Variants in IPO8 observed in about 807,000 individuals in gnomAD.
IPO8 encodes importin-8.
In IPO8, 65 loss-of-function variants were observed where a neutral mutation model predicts 141.2. The observed-to-expected ratio is 0.46, with a 90% CI of 0.38 to 0.57. The LOEUF (loss-of-function observed/expected upper bound fraction) is 0.57, where lower values mean the gene tolerates loss of function less well. IPO8 is among the 20% of genes least tolerant of loss of function. The pLI, the probability that IPO8 is intolerant of heterozygous loss-of-function variation, is 0.00. For synonymous variants in IPO8, 411 were observed against 420.3 expected (o/e 0.98, Z 0.27); for missense variants, 980 against 1,246.8 (o/e 0.79, Z 3.22).
intron 20 of IPO8, among the ~76,000 whole-genome samples, chr12:30,648,370 G>A (rs1047755271): frequency 2.0e-5 from 3 of 152,176 alleles, no homozygotes; most frequent in East Asian, 1.9e-4. Context: ...CCCAGAATAC[G>A]CAAATCTATA....
At chr12:30,639,886 T>TAAA in intron 20 of IPO8, 151 bp from the exon 21 acceptor site, 1 of 622,214 alleles carries the variant, frequency 1.6e-6, no homozygotes, top group Non-Finnish European at 2.8e-6. Context: ...TTAAAAGATT[T>TAAA]ATATTATTAT....
chr12:30,690,928 T>C (rs2053285750), intron 1 of IPO8, among the ~76,000 whole-genome samples: 1 of 152,218 alleles, frequency 6.6e-6, no homozygotes, highest in Non-Finnish European at 1.5e-5. Flanking sequence ...ATTTTATTAA[T>C]GTTTTAAATT....
At chr12:30,670,753 C>T (rs1009730134) in intron 9 of IPO8, among the ~76,000 whole-genome samples, 2 of 152,040 alleles carry the variant, frequency 1.3e-5, no homozygotes, top group South Asian at 2.1e-4. Context: ...CCAGGTCTCC[C>T]GACTCATAAA....
intron 22 of IPO8, among the ~76,000 whole-genome samples, chr12:30,636,264 G>A (rs925041820): frequency 6.6e-6 from 1 of 152,006 alleles, no homozygotes; most frequent in Non-Finnish European, 1.5e-5. Flanking sequence ...TGTTTACCAG[G>A]AAGAGTTCTG....
chr12:30,690,577 A>T lies in IPO8; in HGVS notation c.85T>A (p.Ser29Thr). 6.5e-7 allele frequency: 1 copy of T among 1,536,282 alleles called. No individual in the cohort carries two copies. The highest frequency in any genetic ancestry group is 8.9e-7 in the Non-Finnish European group (1 of 1,124,922). The change falls in exon 2 of 25, where the codon TCC becomes ACC. Residue 29 changes from serine (S) to threonine (T), a missense_variant and splice_region_variant. By Grantham distance (58) the Ser-to-Thr change is moderately conservative (BLOSUM62 1). Around this residue, in one of 3 missense-constraint regions of IPO8, gnomAD observed 40 missense variants for 46.3 expected, o/e 0.86. Coordinates refer to ENST00000256079, the MANE Select transcript of IPO8 (RefSeq NM_006390.4). ...GGGGCAAAATTGATAATCTTGTAGG[A>T]CTGAAATTACAAAGAAATGTTTTAT... Reference protein sequence around the residue: ...RIAAENELNQSYKIINFAPSL... With the variant: ...RIAAENELNQTYKIINFAPSL...
At chr12:30,638,490 T>G (rs966805751) in intron 21 of IPO8, among the ~76,000 whole-genome samples, 3 of 152,176 alleles carry the variant, frequency 2.0e-5, no homozygotes, top group Non-Finnish European at 4.4e-5. Context: ...TCTGTTCCTC[T>G]CAGGAAATTT....
chr12:30,640,461 T>G (rs2052560868), intron 20 of IPO8, among the ~76,000 whole-genome samples: 1 of 152,156 alleles, frequency 6.6e-6, no homozygotes. Context: ...GATATATATT[T>G]GGGTCAGCAG....
At chr12:30,646,501 C>A (rs544744479) in intron 20 of IPO8, among the ~76,000 whole-genome samples, 2 of 152,208 alleles carry the variant, frequency 1.3e-5, no homozygotes, top group African/African-American at 2.4e-5. Context: ...CTAGCCAGGG[C>A]AATTAGTCAA....
At chr12:30,632,947 C>T (rs1223936407) in intron 23 of IPO8, among the ~76,000 whole-genome samples, 2 of 152,212 alleles carry the variant, frequency 1.3e-5, no homozygotes, top group Non-Finnish European at 2.9e-5. Context: ...TTTAAAGTTG[C>T]TTGTCACTTG....
In IPO8 at chr12:30,630,034, A is replaced by T. The variant is rs1445678992; in HGVS notation, c.*826T>A. 6.6e-6 allele frequency: 1 copy of T among 152,188 alleles called. No homozygotes were observed. The highest frequency in any genetic ancestry group is 1.5e-5 in the Non-Finnish European group (1 of 68,040). 9.4% of individuals were successfully genotyped at this position (152,188 alleles called of 1,614,324 possible). ...TAATTGCATAATTACATTATTCAGA[A>T]TATACTCAGACTTACTGTTAACTCC... is the stretch of plus-strand genomic sequence containing the variant. On this transcript the variant is annotated 3_prime_UTR_variant, in exon 25 of 25. Coordinates refer to ENST00000256079, the MANE Select transcript of IPO8 (RefSeq NM_006390.4).
intron 13 of IPO8, 24 bp from the exon 14 acceptor site, chr12:30,663,678 AG>A: frequency 6.4e-7 from 1 of 1,568,720 alleles, no homozygotes; most frequent in Non-Finnish European, 8.6e-7. Flanking sequence ...AAAGGTAAGT[AG>A]GGAGCTATTA....
At chr12:30,671,746 C>T (rs1213835081) in intron 8 of IPO8, among the ~76,000 whole-genome samples, 4 of 142,826 alleles carry the variant, frequency 2.8e-5, no homozygotes, top group Non-Finnish European at 6.1e-5. Flanking sequence ...AACTTCCATA[C>T]AACAAGAGAC....
intron 2 of IPO8, chr12:30,686,446 TA>T (rs1344057899): frequency 6.6e-6 from 1 of 152,168 alleles, no homozygotes; most frequent in East Asian, 1.9e-4. Context: ...CTCCAGGGCT[TA>T]GGTGATCCTC....
chr12:30,645,787 T>G (rs1219409585), intron 20 of IPO8, among the ~76,000 whole-genome samples: 1 of 151,914 alleles, frequency 6.6e-6, no homozygotes, highest in Non-Finnish European at 1.5e-5. Context: ...ACTACTGAAA[T>G]GAATTTAAAA....
chr12:30,653,224 T>G lies in IPO8; in HGVS notation c.1949-132A>C. 4.3e-6 allele frequency: 3 copies of G among 698,234 alleles called. No homozygotes were observed. The East Asian group carries it at 8.5e-5, about 20-fold the overall frequency. 43.3% of individuals were successfully genotyped at this position (698,234 alleles called of 1,614,324 possible). On this transcript the variant is annotated intron_variant, in intron 17 of 24. Transcript: ENST00000256079. Reference sequence around the variant, plus strand: ...TATCCAATGTACTCATAAGCCTCCCTTTCTCAGTATTTGTATCTTCGGCTA... The same window carrying G: ...TATCCAATGTACTCATAAGCCTCCCGTTCTCAGTATTTGTATCTTCGGCTA...
intron 3 of IPO8, among the ~76,000 whole-genome samples, chr12:30,682,255 A>T (rs1199185570): frequency 6.6e-6 from 1 of 152,142 alleles, no homozygotes; most frequent in Non-Finnish European, 1.5e-5. Context: ...AGGCCTACAT[A>T]ATGGTGGGAA....
chr12:30,667,405 T>C (rs2052981550), intron 10 of IPO8, among the ~76,000 whole-genome samples: 1 of 152,004 alleles, frequency 6.6e-6, no homozygotes, highest in African/African-American at 2.4e-5. Flanking sequence ...TCTTACCAAA[T>C]CAAAAAACAT....
rs770012064 is a variant in IPO8, at chr12:30,666,195, C to T, written c.1201G>A (p.Ala401Thr). Residue 401 changes from alanine to threonine, a missense_variant, in exon 11 of 25, where the codon GCT (alanine) becomes ACT (threonine). Ala to Thr is a moderately conservative substitution (Grantham distance 58). Transcript: ENST00000256079. ...AATACCTCTTTTCTTTTCTTTGCAG[C>T]AGTATATAAGAGAGTCTGGGCTGCT... is the stretch of plus-strand genomic sequence containing the variant. ...TTAAQTLLYT[A>T]AKKRKEVLPK... 9 of 1,574,896 alleles carry T rather than the reference C, an allele frequency of 5.7e-6. No individual in the cohort carries two copies. The South Asian group carries it at 1.1e-4, about 19-fold the overall frequency.
chr12:30,630,938 T>C lies in IPO8; in HGVS notation c.3036A>G (p.Glu1012=). Residue 1012 remains glutamate, a synonymous_variant, in exon 25 of 25, where the codon GAA becomes GAG. Coordinates refer to ENST00000256079, the MANE Select transcript of IPO8 (RefSeq NM_006390.4). ...TTTCAAAGGTGAAGCCTCCCTGTTG[T>C]TCAATCTTCTTCTTTGCCTCTAGCA... The part of the protein sequence containing the change: ...RTVAEAKKKI[E]QQGGFTFENK... The C allele has an allele frequency of 1.2e-6, 2 of 1,613,366 alleles. No homozygotes were observed. The highest frequency in any genetic ancestry group is 1.1e-5 in the South Asian group (1 of 91,026).
Sources: gnomAD v4.1 joint callset for allele counts (sites outside exome capture counted in the v4.1 genomes callset) on GRCh38, gnomAD v4.1.1 for gene constraint, gnomAD v4.1.1 regional missense constraint, MANE v1.5 for transcripts, NCBI Gene and HGNC (gene_info 2026-07-23, HGNC 2026-07-21) for gene names.